The following MYH11 variants were observed in gnomAD, a reference collection of about 807,000 sequenced individuals.
MYH11 encodes myosin-11.
Under a neutral mutation model 246.6 loss-of-function variants are expected in MYH11, and 80 were observed. That is an observed-to-expected ratio of 0.32 (90% CI 0.27 to 0.39). MYH11 has a LOEUF of 0.39. MYH11 is among the 10% of genes least tolerant of loss of function. The pLI is 1.00. For missense variants in MYH11, 2,158 were observed against 2,546.8 expected, an observed-to-expected ratio of 0.85 and a Z score of 3.29; for synonymous variants, 1,071 against 1,015.5, an observed-to-expected ratio of 1.05 and a Z score of -1.04.
At chr16:15,719,176 C>T in intron 36 of MYH11, 44 bp downstream of exon 36, 2 of 1,562,092 alleles carry the variant, frequency 1.3e-6, no homozygotes, top group African/African-American at 1.4e-5. Context: ...GCCTGTCCCC[C>T]CATCCTCTGC....
intron 7 of MYH11, among the ~76,000 whole-genome samples, chr16:15,778,099 T>C (rs980389253): frequency 6.6e-6 from 1 of 152,198 alleles, no homozygotes; most frequent in Non-Finnish European, 1.5e-5. Flanking sequence ...GCAAAGCTCC[T>C]GAGGCTGATC....
intron 40 of MYH11, chr16:15,714,192 G>A (rs2039983854): frequency 6.5e-6 from 1 of 153,286 alleles, no homozygotes; most frequent in Admixed American, 6.5e-5. Context: ...GGTGGTGGAA[G>A]CAGCCCTTGG....
chr16:15,852,334 C>CTTT (rs4006745), intron 1 of MYH11, among the ~76,000 whole-genome samples: 2,018 of 129,090 alleles, frequency 0.016, 87 homozygotes, highest in African/African-American at 0.035. Context: ...TTTGCAATGC[C>CTTT]TTTTTTTTTT....
At chr16:15,775,741 A>T in intron 8 of MYH11, 1 of 306,808 alleles carries the variant, frequency 3.3e-6, no homozygotes, top group Non-Finnish European at 6.1e-6. Context: ...TTGGCAAGTA[A>T]GGCAAATGTC....
At chr16:15,836,241 A>G (rs935070776) in intron 2 of MYH11, among the ~76,000 whole-genome samples, 2 of 152,108 alleles carry the variant, frequency 1.3e-5, no homozygotes, top group Admixed American at 6.6e-5. Flanking sequence ...AGCCCCAATC[A>G]TCTAGTCCAA....
chr16:15,817,744 A>G (rs1363540815), intron 3 of MYH11, among the ~76,000 whole-genome samples: 1 of 152,020 alleles, frequency 6.6e-6, no homozygotes. Flanking sequence ...GCCACAGTAT[A>G]CTAGTCAACC....
At position 15,720,161 on chromosome 16, in the gene MYH11, C is replaced by T. The variant is rs750912363; in HGVS notation, c.4943G>A (p.Arg1648His). The change falls in exon 34 of 41, where the codon CGC (arginine) becomes CAC (histidine). Residue 1648 changes from arginine to histidine, a missense_variant. Coordinates refer to ENST00000300036, the MANE Select transcript of MYH11 (RefSeq NM_002474.3). ...CCTAGTGTCACCCACCTGCAGTTTG[C>T]GTAGCTGCTTGATGGCTTCCTCCCT... ...KGREEAIKQL[R>H]KLQAQMKDFQ... 1.7e-5 allele frequency: 28 copies of T among 1,613,980 alleles called. No individual in the cohort carries two copies. The South Asian group carries it at 2.5e-4, about 15-fold the overall frequency.
At chr16:15,764,024 C>T (rs1456931665) in intron 9 of MYH11, 133 bp from the exon 10 acceptor site, 3 of 738,756 alleles carry the variant, frequency 4.1e-6, no homozygotes, top group Non-Finnish European at 7.3e-6. Context: ...ATTCTGAGCT[C>T]AATATTTTCA....
chr16:15,732,816 T>G, intron 26 of MYH11, 108 bp from the exon 27 acceptor site: 1 of 1,329,740 alleles, frequency 7.5e-7, no homozygotes, highest in Non-Finnish European at 1.1e-6. Context: ...GCAGTCCTCA[T>G]CACCACCCCT....
At chr16:15,819,890 ACT>A (rs1395346132) in intron 3 of MYH11, among the ~76,000 whole-genome samples, 1 of 152,100 alleles carries the variant, frequency 6.6e-6, no homozygotes, top group Non-Finnish European at 1.5e-5. Flanking sequence ...GAGCGATCAA[ACT>A]CCACCGAAAC....
At position 15,719,771 on chromosome 16, in the gene MYH11, G is replaced by T. The variant is rs553955159; in HGVS notation, c.4954-58C>A. The T allele has an allele frequency of 1.3e-4, 204 of 1,610,982 alleles. 4 individuals carry two copies. The South Asian group carries it at 2.2e-3, about 17-fold the overall frequency. The stretch of plus-strand genomic sequence containing the variant: ...TGTCCTTACTCCCCCAAGTTCTGCT[G>T]CCCAGTTCAGCTTTGCACACCCACC... On this transcript the variant is annotated intron_variant, in intron 34 of 40. Transcript: ENST00000300036.
chr16:15,829,785 C>G (rs971638474), intron 2 of MYH11, among the ~76,000 whole-genome samples: 5 of 152,064 alleles, frequency 3.3e-5, no homozygotes, highest in African/African-American at 1.2e-4. Context: ...GGGCCTGCAG[C>G]AGAAATGAGG....
intron 16 of MYH11, among the ~76,000 whole-genome samples, chr16:15,748,844 C>G (rs2041490897): frequency 6.6e-6 from 1 of 152,020 alleles, no homozygotes; most frequent in Non-Finnish European, 1.5e-5. Context: ...GCCTTGAACA[C>G]CTGGTCTCAA....
intron 2 of MYH11, among the ~76,000 whole-genome samples, chr16:15,825,435 T>C (rs562628176): frequency 6.6e-6 from 1 of 150,414 alleles, no homozygotes; most frequent in Non-Finnish European, 1.5e-5. Flanking sequence ...TGATCACCTG[T>C]AGTCCCAGCT....
intron 8 of MYH11, among the ~76,000 whole-genome samples, chr16:15,773,111 A>C (rs544489680): frequency 3.9e-5 from 6 of 152,182 alleles, no homozygotes; most frequent in Admixed American, 2.0e-4. Context: ...TCTTCCAGGA[A>C]ACCAGTCCTC....
intron 7 of MYH11, among the ~76,000 whole-genome samples, chr16:15,777,656 A>G (rs2042256115): frequency 6.6e-6 from 1 of 152,156 alleles, no homozygotes; most frequent in Non-Finnish European, 1.5e-5. Flanking sequence ...GCAGGATGGG[A>G]ATCCTGGCTG....
rs1336808013 is a variant in MYH11 at position 15,786,707 on chromosome 16, C to T, written c.556G>A (p.Glu186Lys). 4 of 1,614,004 alleles carry T rather than the reference C, an allele frequency of 2.5e-6. No homozygotes were observed. The highest frequency in any genetic ancestry group is 2.5e-6 in the Non-Finnish European group (3 of 1,180,036). The change falls in exon 5 of 41, where the codon GAA becomes AAA. Residue 186 changes from glutamate to lysine, a missense_variant. Around this residue, in one of 11 missense-constraint regions of MYH11, gnomAD observed 123 missense variants for 207.1 expected, o/e 0.59. Coordinates refer to ENST00000300036, the MANE Select transcript of MYH11 (RefSeq NM_002474.3). ...TACTGAATGACCTTCTTGGTGTTTTCGGTTTTCCCGGCTCCAGACTCGCCT... is the reference window on the plus strand; with the variant it reads ...TACTGAATGACCTTCTTGGTGTTTTTGGTTTTCCCGGCTCCAGACTCGCCT... ...CTGESGAGKT[E>K]NTKKVIQYLA...
At chr16:15,786,137 G>A (rs911604372) in intron 5 of MYH11, 7 of 318,220 alleles carry the variant, frequency 2.2e-5, no homozygotes, top group Non-Finnish European at 3.7e-5. Context: ...ATTCATGAAA[G>A]GAGTGCTTCT....
At position 15,724,429 on chromosome 16, in the gene MYH11, G is replaced by C. The variant is rs1211111019; in HGVS notation, c.4117-20C>G. The C allele has an allele frequency of 2.5e-6, 4 of 1,613,328 alleles. No homozygotes were observed. In the South Asian group the frequency reaches 4.4e-5, roughly 18 times the overall value. On this transcript the variant is annotated intron_variant, in intron 30 of 40. Transcript: ENST00000300036. ...GGAGAGCTACAAGGACAGCGTCCAG[G>C]GTAGGGTGAGAGGGGGACCATGAGT...
Sources: gnomAD v4.1 joint callset for allele counts (sites outside exome capture counted in the v4.1 genomes callset) on GRCh38, gnomAD v4.1.1 for gene constraint, gnomAD v4.1.1 regional missense constraint, MANE v1.5 for transcripts, NCBI Gene and HGNC (gene_info 2026-07-23, HGNC 2026-07-21) for gene names.